CLMN: variants seen among roughly 807,000 people sequenced by gnomAD.
CLMN encodes calmin (calponin-like, transmembrane).
A neutral mutation model predicts 92.7 loss-of-function variants in CLMN; 57 were observed. The ratio of observed to expected loss-of-function variants is 0.61; its 90% CI spans 0.50 to 0.77. The LOEUF (loss-of-function observed/expected upper bound fraction) is 0.77, where lower values mean the gene tolerates loss of function less well. Among genes scored for constraint, CLMN ranks in the 30% least tolerant of loss-of-function variants. The pLI, the probability that CLMN is intolerant of heterozygous loss-of-function variation, is 0.00. For missense variants in CLMN, 1,158 were observed against 1,237.5 expected (o/e 0.94, Z 0.96); for synonymous variants, 466 against 470.6 (o/e 0.99, Z 0.13).
chr14:95,280,873 C>A (rs990576762), intron 1 of CLMN, among the ~76,000 whole-genome samples: 37 of 152,210 alleles, frequency 2.4e-4, no homozygotes, highest in Admixed American at 1.0e-3. Context: ...TTGTTACATG[C>A]CACGAAAGTA....
At chr14:95,232,939 T>C (rs935665308) in intron 1 of CLMN, among the ~76,000 whole-genome samples, 5 of 152,230 alleles carry the variant, frequency 3.3e-5, no homozygotes, top group African/African-American at 1.2e-4. Flanking sequence ...TGGTTCTTTG[T>C]GCACAAACAT....
At chr14:95,215,434 C>G (rs1897308013) in intron 5 of CLMN, among the ~76,000 whole-genome samples, 1 of 152,228 alleles carries the variant, frequency 6.6e-6, no homozygotes, top group South Asian at 2.1e-4. Flanking sequence ...ATATTCTCTT[C>G]TAGAGAACTT....
intron 1 of CLMN, among the ~76,000 whole-genome samples, chr14:95,316,534 G>A (rs951496149): frequency 6.6e-6 from 1 of 152,232 alleles, no homozygotes; most frequent in South Asian, 2.1e-4. Context: ...AAGACAGGTC[G>A]AGAAATCTTC....
At chr14:95,284,837 G>T (rs1900277492) in intron 1 of CLMN, among the ~76,000 whole-genome samples, 1 of 152,164 alleles carries the variant, frequency 6.6e-6, no homozygotes. Context: ...GGATTTGTGG[G>T]TTAATGCTGA....
chr14:95,215,766 G>C (rs1303978737), intron 4 of CLMN, 33 bp from the exon 5 acceptor site: 7 of 1,500,854 alleles, frequency 4.7e-6, no homozygotes, highest in Non-Finnish European at 6.5e-6. Flanking sequence ...CTTAAAGCGA[G>C]GTGTCCAGGG....
chr14:95,270,221 T>A (rs1175285580), intron 1 of CLMN, among the ~76,000 whole-genome samples: 1 of 152,230 alleles, frequency 6.6e-6, no homozygotes, highest in African/African-American at 2.4e-5. Flanking sequence ...CCTCATTCAA[T>A]TTTTAAAGGA....
At chr14:95,229,602 G>C (rs1897818607) in intron 2 of CLMN, among the ~76,000 whole-genome samples, 1 of 152,134 alleles carries the variant, frequency 6.6e-6, no homozygotes, top group Admixed American at 6.5e-5. Context: ...GCACTATGCA[G>C]GATGCCTGAT....
chr14:95,193,717 C>G, intron 12 of CLMN, 132 bp downstream of exon 12: 1 of 1,111,304 alleles, frequency 9.0e-7, no homozygotes, highest in South Asian at 1.6e-5. Flanking sequence ...TAGTTATTTT[C>G]TTGCATTATC....
At chr14:95,220,849 C>G (rs1897515142) in intron 4 of CLMN, among the ~76,000 whole-genome samples, 1 of 152,190 alleles carries the variant, frequency 6.6e-6, no homozygotes, top group Non-Finnish European at 1.5e-5. Context: ...CCAGAGGTTG[C>G]AGGGGCAGGG....
intron 1 of CLMN, among the ~76,000 whole-genome samples, chr14:95,300,629 C>T (rs1173234008): frequency 3.3e-5 from 5 of 152,196 alleles, no homozygotes; most frequent in African/African-American, 1.2e-4. Context: ...CTGCAAGGAA[C>T]GTTCCTCCCC....
At chr14:95,229,016 C>A (rs1323039946) in intron 2 of CLMN, among the ~76,000 whole-genome samples, 2 of 152,182 alleles carry the variant, frequency 1.3e-5, no homozygotes, top group South Asian at 2.1e-4. Context: ...CGATTACCTA[C>A]AAACATGAAA....
intron 4 of CLMN, among the ~76,000 whole-genome samples, chr14:95,219,891 C>T (rs1371924917): frequency 6.6e-6 from 1 of 152,156 alleles, no homozygotes; most frequent in Non-Finnish European, 1.5e-5. Context: ...AGAATCACTA[C>T]AATCAATTTT....
intron 1 of CLMN, among the ~76,000 whole-genome samples, chr14:95,244,988 T>C (rs74399514): frequency 0.092 from 12,479 of 135,878 alleles, 570 homozygotes; most frequent in South Asian, 0.11. Flanking sequence ...TATATGTGTA[T>C]ACACACACAC....
At position 95,189,246 on chromosome 14, in the gene CLMN, A is replaced by G. The variant is rs1896506836; in HGVS notation, c.*2318T>C. 6.6e-6 allele frequency: 1 copy of G among 152,252 alleles called. No individual in the cohort carries two copies. Among genetic ancestry groups the G allele is most frequent in the Admixed American group, 6.5e-5 (1 of 15,286 alleles). 9.4% of individuals were successfully genotyped at this position (152,252 alleles called of 1,614,324 possible). A position where few individuals can be genotyped will look rare whatever the true frequency, so the allele number is the denominator to read the frequency against. On this transcript the variant is annotated 3_prime_UTR_variant, in exon 13 of 13. Transcript: ENST00000298912. ...TTTCTAAATTAAAAAATAAAGTGTA[A>G]GCACGTTATGTAGAAATGCAAACAT... is the stretch of plus-strand genomic sequence containing the variant.
intron 4 of CLMN, among the ~76,000 whole-genome samples, chr14:95,221,210 G>A (rs1897527736): frequency 6.6e-6 from 1 of 152,144 alleles, no homozygotes. Context: ...CAGGGTTCCA[G>A]GCACAGAAAA....
intron 10 of CLMN, among the ~76,000 whole-genome samples, chr14:95,195,386 C>T (rs150227705): frequency 5.6e-4 from 86 of 152,330 alleles, no homozygotes; most frequent in Middle Eastern, 3.4e-3. Flanking sequence ...TGGGCAGCAG[C>T]CTTCTGTTGT....
At chr14:95,237,106 C>T (rs1471050509) in intron 1 of CLMN, among the ~76,000 whole-genome samples, 1 of 152,218 alleles carries the variant, frequency 6.6e-6, no homozygotes, top group African/African-American at 2.4e-5. Context: ...CTGGACTACC[C>T]TGTAAAATGG....
At chr14:95,225,669 A>T (rs1049406068) in intron 2 of CLMN, among the ~76,000 whole-genome samples, 1 of 152,002 alleles carries the variant, frequency 6.6e-6, no homozygotes, top group African/African-American at 2.4e-5. Context: ...CCACTCACTC[A>T]CTTTCTGGGT....
chr14:95,191,480 G>T lies in CLMN; in HGVS notation c.*84C>A. 8.7e-7 allele frequency: 1 copy of T among 1,144,680 alleles called. No individual in the cohort carries two copies. The allele number at this position is 1,144,680 out of a possible 1,614,324, so 70.9% of individuals were successfully genotyped here. A position where few individuals can be genotyped will look rare whatever the true frequency, so the allele number is the denominator to read the frequency against. On this transcript the variant is annotated 3_prime_UTR_variant, in exon 13 of 13. Coordinates refer to ENST00000298912, the MANE Select transcript of CLMN (RefSeq NM_024734.4). This position sits in a 1 kb window ranked among gnomAD's most constrained non-coding sequence, Gnocchi z 5.3. ...CGGAGGTCCTCAACTGTCTGTAGAA[G>T]TGCCCCACCCAGAACCCAAAATAAA...
Sources: allele counts gnomAD v4.1 joint callset (sites outside exome capture counted in the v4.1 genomes callset), GRCh38; gene constraint gnomAD v4.1.1; non-coding constraint Gnocchi (gnomAD v3.1); transcripts MANE v1.5; gene names NCBI Gene and HGNC (gene_info 2026-07-23, HGNC 2026-07-21).